Variants in SORCS2 observed in about 807,000 individuals in gnomAD.
The protein encoded by SORCS2 is sortilin related VPS10 domain containing receptor 2.
Under a neutral mutation model 141.6 loss-of-function variants are expected in SORCS2, and 100 were observed. The observed-to-expected ratio is 0.71, with a 90% CI of 0.60 to 0.83. SORCS2 has a LOEUF of 0.83. Ranked by LOEUF, SORCS2 falls within the 40% of genes least tolerant of loss-of-function variation. The pLI, the probability that SORCS2 is intolerant of heterozygous loss-of-function variation, is 0.00. For synonymous variants in SORCS2, 789 were observed against 676.9 expected (o/e 1.17, Z -2.57); for missense variants, 1,646 against 1,560.2 (o/e 1.05, Z -0.93).
chr4:7,218,869 A>G (rs188677343), intron 1 of SORCS2, among the ~76,000 whole-genome samples: 118 of 152,302 alleles, frequency 7.7e-4, no homozygotes, highest in African/African-American at 2.6e-3. Context: ...GATAAAACCC[A>G]AACTCTTTCT....
At chr4:7,224,117 C>G (rs1163506128) in intron 1 of SORCS2, among the ~76,000 whole-genome samples, 1 of 152,184 alleles carries the variant, frequency 6.6e-6, no homozygotes, top group Admixed American at 6.5e-5. Context: ...CCCCTCTAGG[C>G]ACCGCAGCAG....
intron 3 of SORCS2, among the ~76,000 whole-genome samples, chr4:7,540,709 A>G (rs1577719460): frequency 6.6e-6 from 1 of 152,128 alleles, no homozygotes; most frequent in Non-Finnish European, 1.5e-5. Flanking sequence ...GGCGGGGGAG[A>G]CAGAGTGGGG....
At position 7,524,264 on chromosome 4, in the gene SORCS2, A is replaced by G. The variant is rs78260918; in HGVS notation, c.549-7266A>G. ...TGAAATCGAGGCAGAGAGTGGCGCAATGCAGCCTCAATCTCAGGGACGCCT... is the reference window on the plus strand; with the variant it reads ...TGAAATCGAGGCAGAGAGTGGCGCAGTGCAGCCTCAATCTCAGGGACGCCT... On this transcript the variant is annotated intron_variant, in intron 2 of 26. Transcript: ENST00000507866. Among the ~76,000 whole-genome samples the G allele has an allele frequency of 5.2e-3, 785 of 152,276 alleles. 8 individuals carry two copies. The highest frequency in any genetic ancestry group is 7.1e-3 in the Non-Finnish European group (484 of 68,014).
At chr4:7,465,997 G>T (rs948973056) in intron 2 of SORCS2, among the ~76,000 whole-genome samples, 5 of 152,280 alleles carry the variant, frequency 3.3e-5, no homozygotes, top group African/African-American at 1.2e-4. Flanking sequence ...CAGGGCTCCA[G>T]GTTGATAGAA....
At chr4:7,443,900 C>T (rs1208598683) in intron 2 of SORCS2, among the ~76,000 whole-genome samples, 1 of 152,258 alleles carries the variant, frequency 6.6e-6, no homozygotes, top group African/African-American at 2.4e-5. Context: ...CAGCCTCCAC[C>T]TCCCTGGCCT....
chr4:7,334,630 G>C (rs1046836064), intron 1 of SORCS2, among the ~76,000 whole-genome samples: 4 of 152,206 alleles, frequency 2.6e-5, no homozygotes, highest in Admixed American at 1.3e-4. Context: ...CAGGGATTCA[G>C]AGGCGGGGAG....
chr4:7,470,313 C>A (rs956290785), intron 2 of SORCS2, among the ~76,000 whole-genome samples: 1 of 151,902 alleles, frequency 6.6e-6, no homozygotes, highest in African/African-American at 2.4e-5. Context: ...ACATATTCTC[C>A]CACCTTCCCA....
At chr4:7,308,733 TCCTCTCTCTC>T (rs1717996259) in intron 1 of SORCS2, among the ~76,000 whole-genome samples, 5 of 151,798 alleles carry the variant, frequency 3.3e-5, no homozygotes, top group Admixed American at 1.3e-4. Flanking sequence ...CAGCACCCTG[TCCTCTCTCTC>T]CAGCACCCTG....
intron 1 of SORCS2, among the ~76,000 whole-genome samples, chr4:7,234,026 G>C (rs986606784): frequency 6.6e-6 from 1 of 152,168 alleles, no homozygotes; most frequent in Non-Finnish European, 1.5e-5. Flanking sequence ...CAGGCATAGG[G>C]GTTAATGGAC....
intron 3 of SORCS2, among the ~76,000 whole-genome samples, chr4:7,617,141 C>T (rs527692431): frequency 2.8e-4 from 42 of 152,242 alleles, no homozygotes; most frequent in Middle Eastern, 3.4e-3. Flanking sequence ...GTATTCTATC[C>T]GTCCACCCGC....
chr4:7,389,009 G>T (rs1723681528), intron 1 of SORCS2, among the ~76,000 whole-genome samples: 1 of 152,240 alleles, frequency 6.6e-6, no homozygotes, highest in African/African-American at 2.4e-5. Context: ...AGGCCAAAAG[G>T]CACATGGGCT....
chr4:7,475,983 C>T (rs1021466674), intron 2 of SORCS2, among the ~76,000 whole-genome samples: 1 of 152,134 alleles, frequency 6.6e-6, no homozygotes, highest in African/African-American at 2.4e-5. Context: ...GGGCTTCCCT[C>T]GGCTGCCTAG....
chr4:7,204,897 C>T (rs555873423), intron 1 of SORCS2, among the ~76,000 whole-genome samples: 14 of 152,338 alleles, frequency 9.2e-5, no homozygotes, highest in African/African-American at 1.4e-4. Context: ...TCGGCGCGGC[C>T]GCGCTTGCTA....
intron 5 of SORCS2, among the ~76,000 whole-genome samples, chr4:7,654,889 G>C (rs909941041): frequency 1.5e-4 from 23 of 152,298 alleles, no homozygotes; most frequent in African/African-American, 5.3e-4. Context: ...CCGATGGTGG[G>C]TACCAGCCAC....
At chr4:7,713,907 C>G (rs940961940) in intron 15 of SORCS2, among the ~76,000 whole-genome samples, 1 of 152,194 alleles carries the variant, frequency 6.6e-6, no homozygotes, top group South Asian at 2.1e-4. Flanking sequence ...TGCCTGTGAG[C>G]CCTCGAGGGC....
chr4:7,367,395 C>A (rs1049804297), intron 1 of SORCS2, among the ~76,000 whole-genome samples: 16 of 152,316 alleles, frequency 1.1e-4, no homozygotes, highest in Admixed American at 6.5e-4. Flanking sequence ...AGCTGTGTGA[C>A]CGTGGGTAAG....
intron 1 of SORCS2, among the ~76,000 whole-genome samples, chr4:7,203,170 G>T (rs970066189): frequency 1.3e-5 from 2 of 152,218 alleles, no homozygotes; most frequent in Non-Finnish European, 2.9e-5. Flanking sequence ...GGTGGCTCAC[G>T]CCTGTAATCC....
At chr4:7,405,377 C>T (rs7699522) in intron 2 of SORCS2, among the ~76,000 whole-genome samples, 105,978 of 151,946 alleles carry the variant, frequency 0.7, 37,142 homozygotes, top group African/African-American at 0.73. Flanking sequence ...TTATTTTTTC[C>T]AATTCTGTGA....
At chr4:7,224,471 A>ATCTGGTCT (rs71646691) in intron 1 of SORCS2, among the ~76,000 whole-genome samples, 1 of 152,106 alleles carries the variant, frequency 6.6e-6, no homozygotes, top group East Asian at 1.9e-4. Flanking sequence ...AAACCTCGCC[A>ATCTGGTCT]TCTGGCCTTT....
Sources: allele counts gnomAD v4.1 joint callset (sites outside exome capture counted in the v4.1 genomes callset), GRCh38; gene constraint gnomAD v4.1.1; transcripts MANE v1.5; gene names NCBI Gene and HGNC (gene_info 2026-07-23, HGNC 2026-07-21).